The following LARP1B variants were observed in gnomAD, a reference collection of about 807,000 sequenced individuals.
LARP1B encodes the protein La ribonucleoprotein 1B.
Under a neutral mutation model 114.2 loss-of-function variants are expected in LARP1B, and 76 were observed. That is an observed-to-expected ratio of 0.67 (90% CI 0.55 to 0.81). The LOEUF is 0.81. Ranked by LOEUF, LARP1B falls within the 30% of genes least tolerant of loss-of-function variation. The pLI is 0.00. For synonymous variants in LARP1B, 345 were observed against 348.0 expected (o/e 0.99, Z 0.10); for missense variants, 1,014 against 1,075.8 (o/e 0.94, Z 0.80).
intron 12 of LARP1B, 64 bp downstream of exon 12, chr4:128,162,381 A>G: frequency 7.2e-7 from 1 of 1,388,974 alleles, no homozygotes; most frequent in Non-Finnish European, 9.7e-7. Context: ...ATTGTTTTTA[A>G]AAATTGCTCC....
At chr4:128,175,358 G>T (rs186453413) in intron 12 of LARP1B, among the ~76,000 whole-genome samples, 208 of 152,196 alleles carry the variant, frequency 1.4e-3, no homozygotes, top group Admixed American at 3.9e-3. Context: ...TTCAGGTGTT[G>T]TCAGCCTGAT....
intron 11 of LARP1B, chr4:128,122,788 C>A: frequency 8.8e-7 from 1 of 1,136,742 alleles, no homozygotes; most frequent in Non-Finnish European, 1.1e-6. Context: ...TTTTTAACTT[C>A]TTGCATTTCA....
At chr4:128,107,408 A>G (rs1358308092) in intron 9 of LARP1B, 95 bp downstream of exon 9, 2 of 1,531,904 alleles carry the variant, frequency 1.3e-6, no homozygotes, top group East Asian at 2.4e-5. Context: ...TTTAGATTTG[A>G]TAGGAAAATT....
chr4:128,158,781 C>T (rs1736997342), intron 11 of LARP1B, among the ~76,000 whole-genome samples: 1 of 152,154 alleles, frequency 6.6e-6, no homozygotes, highest in Non-Finnish European at 1.5e-5. Flanking sequence ...TATAGATTCA[C>T]AGGAAGTTGC....
At chr4:128,200,764 A>G in intron 17 of LARP1B, 99 bp downstream of exon 17, 4 of 836,134 alleles carry the variant, frequency 4.8e-6, no homozygotes, top group Non-Finnish European at 7.2e-6. Flanking sequence ...TTTAGAAAAT[A>G]ATTTTTAAAA....
intron 15 of LARP1B, among the ~76,000 whole-genome samples, chr4:128,183,488 CCTA>C (rs942399207): frequency 6.6e-5 from 10 of 152,166 alleles, no homozygotes; most frequent in African/African-American, 1.7e-4. Context: ...ACTGTTAAGA[CCTA>C]CTATTTAGAA....
chr4:128,098,158 T>C, intron 7 of LARP1B, 28 bp from the exon 8 acceptor site: 2 of 1,547,986 alleles, frequency 1.3e-6, no homozygotes, highest in Non-Finnish European at 8.9e-7. Flanking sequence ...ACTAAATAAA[T>C]GGATGAAATT....
At chr4:128,157,881 G>A (rs113630705) in intron 11 of LARP1B, among the ~76,000 whole-genome samples, 1 of 152,134 alleles carries the variant, frequency 6.6e-6, no homozygotes, top group Non-Finnish European at 1.5e-5. Context: ...AATACTAAAG[G>A]GAATTTTTCA....
intron 11 of LARP1B, among the ~76,000 whole-genome samples, chr4:128,149,672 T>C (rs1404237363): frequency 1.3e-5 from 2 of 152,208 alleles, no homozygotes; most frequent in African/African-American, 4.8e-5. Flanking sequence ...TGTCTATTTA[T>C]GTAAAATGTC....
chr4:128,071,545 C>T (rs1193672056), intron 1 of LARP1B, among the ~76,000 whole-genome samples: 1 of 151,802 alleles, frequency 6.6e-6, no homozygotes, highest in East Asian at 1.9e-4. Context: ...CCTCAGCCTC[C>T]CGAGTAGCTG....
chr4:128,161,805 T>A (rs1383519569), intron 11 of LARP1B, among the ~76,000 whole-genome samples: 4 of 152,186 alleles, frequency 2.6e-5, no homozygotes, highest in African/African-American at 9.6e-5. Flanking sequence ...TACCTAATAT[T>A]ATTTATTTTT....
chr4:128,132,785 C>T (rs1345311663), intron 11 of LARP1B, among the ~76,000 whole-genome samples: 2 of 151,920 alleles, frequency 1.3e-5, no homozygotes, highest in Non-Finnish European at 2.9e-5. Flanking sequence ...ATAATTTAAG[C>T]ACATTACATT....
At chr4:128,068,947 T>C in intron 1 of LARP1B, 1 of 559,080 alleles carries the variant, frequency 1.8e-6, no homozygotes, top group Non-Finnish European at 3.1e-6. Context: ...AGATAAATAA[T>C]ACCTGTAAGC....
chr4:128,182,033 C>G (rs1421990662), intron 15 of LARP1B, among the ~76,000 whole-genome samples: 1 of 150,074 alleles, frequency 6.7e-6, no homozygotes, highest in Non-Finnish European at 1.5e-5. Context: ...AGGATGGTCT[C>G]AATCTCCTGA....
At chr4:128,098,631 ACTT>A (rs1778903287) in intron 8 of LARP1B, among the ~76,000 whole-genome samples, 1 of 149,650 alleles carries the variant, frequency 6.7e-6, no homozygotes, top group Non-Finnish European at 1.5e-5. Flanking sequence ...GGTCCTTAAA[ACTT>A]CTTCAGGGCT....
intron 11 of LARP1B, among the ~76,000 whole-genome samples, chr4:128,127,458 G>A (rs1240121098): frequency 6.6e-6 from 1 of 152,174 alleles, no homozygotes; most frequent in Non-Finnish European, 1.5e-5. Flanking sequence ...GCAGTTTGAA[G>A]GATACACATT....
In LARP1B at chr4:128,165,669, C is replaced by T. The variant is rs1213310653; in HGVS notation, c.1648+3352C>T. On this transcript the variant is annotated intron_variant, in intron 12 of 19. Coordinates refer to ENST00000326639, the MANE Select transcript of LARP1B (RefSeq NM_018078.4). ...ATTCCCTATACCTGCTCCAAACAGGCCTCTGTCCTCCACATCCCAAATCAG... is the reference window on the plus strand; with the variant it reads ...ATTCCCTATACCTGCTCCAAACAGGTCTCTGTCCTCCACATCCCAAATCAG... 2.0e-5 allele frequency among the ~76,000 whole-genome samples: 3 copies of T among 152,078 alleles called. No homozygotes were observed. In the East Asian group the frequency reaches 5.8e-4, roughly 29 times the overall value.
At chr4:128,196,791 A>T (rs1754307787) in intron 15 of LARP1B, among the ~76,000 whole-genome samples, 1 of 152,154 alleles carries the variant, frequency 6.6e-6, no homozygotes, top group East Asian at 1.9e-4. Flanking sequence ...TTCTCAACAA[A>T]AGACTGGATA....
rs905946546 is a variant in LARP1B at position 128,172,453 on chromosome 4, G to T, written c.1649-4419G>T. On this transcript the variant is annotated intron_variant, in intron 12 of 19. Transcript: ENST00000326639. ...CATGCCTATAATCCCAGCACTTTGG[G>T]AGGCCAAGGCGGGTGTATCACCTGA... Among the ~76,000 whole-genome samples the T allele has an allele frequency of 7.9e-5, 12 of 152,268 alleles. No homozygotes were observed. The South Asian group carries it at 2.3e-3, about 29-fold the overall frequency.
Sources: gnomAD v4.1 joint callset for allele counts (sites outside exome capture counted in the v4.1 genomes callset) on GRCh38, gnomAD v4.1.1 for gene constraint, MANE v1.5 for transcripts, NCBI Gene and HGNC (gene_info 2026-07-23, HGNC 2026-07-21) for gene names.